The following UBR1 variants were observed in gnomAD, a reference collection of about 807,000 sequenced individuals.
UBR1 encodes ubiquitin protein ligase E3 component n-recognin 1.
A neutral mutation model predicts 242.1 loss-of-function variants in UBR1; 102 were observed. The observed-to-expected ratio is 0.42, with a 90% CI of 0.36 to 0.50. The LOEUF is 0.50. UBR1 is among the 20% of genes least tolerant of loss of function. The probability of loss-of-function intolerance (pLI) is 0.01; values close to 1 mark genes in which losing one functional copy is unlikely to be tolerated. For missense variants in UBR1, 1,772 were observed against 2,101.8 expected (o/e 0.84, Z 3.07); for synonymous variants, 675 against 684.8 (o/e 0.99, Z 0.22).
chr15:42,972,815 GCA>G (rs914347708), intron 39 of UBR1, among the ~76,000 whole-genome samples: 14 of 152,230 alleles, frequency 9.2e-5, no homozygotes, highest in African/African-American at 3.4e-4. Flanking sequence ...ACATCCTTGT[GCA>G]CAGTTTTGTG....
chr15:43,022,689 T>C lies in UBR1; in HGVS notation c.2839+13A>G. 6.4e-7 allele frequency: 1 copy of C among 1,560,360 alleles called. No individual in the cohort carries two copies. Among genetic ancestry groups the C allele is most frequent in the Admixed American group, 1.7e-5 (1 of 59,854 alleles). ...CAATGACAAATGTGTTGAAGAGTGA[T>C]ACTCAAACATACTTGAAGCCTTATG... On this transcript the variant is annotated intron_variant, in intron 26 of 46. Coordinates refer to ENST00000290650, the MANE Select transcript of UBR1 (RefSeq NM_174916.3).
chr15:43,016,385 C>T (rs1029733125), intron 28 of UBR1, among the ~76,000 whole-genome samples: 3 of 152,052 alleles, frequency 2.0e-5, no homozygotes, highest in Non-Finnish European at 2.9e-5. Flanking sequence ...TCTAATAATA[C>T]AAATTTTAGA....
chr15:42,948,434 A>T (rs1239666921), intron 46 of UBR1, among the ~76,000 whole-genome samples: 1 of 152,220 alleles, frequency 6.6e-6, no homozygotes, highest in South Asian at 2.1e-4. Flanking sequence ...GACAAATAGG[A>T]TCTAATTAAA....
At chr15:43,011,471 T>TG (rs1356948935) in intron 29 of UBR1, among the ~76,000 whole-genome samples, 2 of 152,188 alleles carry the variant, frequency 1.3e-5, no homozygotes, top group African/African-American at 4.8e-5. Flanking sequence ...GGGCAAAGAA[T>TG]AATAATAGGC....
At chr15:43,059,576 A>C (rs1382357816) in intron 8 of UBR1, 126 bp downstream of exon 8, 4 of 1,151,390 alleles carry the variant, frequency 3.5e-6, no homozygotes, top group South Asian at 1.5e-5. Context: ...AAATTAATCA[A>C]AGTGTATAAA....
chr15:43,078,524 A>G (rs1020753995), intron 3 of UBR1, among the ~76,000 whole-genome samples: 5 of 152,210 alleles, frequency 3.3e-5, no homozygotes, highest in Non-Finnish European at 7.3e-5. Context: ...GTAAAAATTA[A>G]AAGGGGAGGG....
Position 43,105,994 on chromosome 15 carries a change from TCAGTACCTC to T in UBR1, c.20_28del (p.Gly7_Thr9del). ...TAACTCCGCGCTGATTTCCATCCTCTCAGTACCTCCAGCCTCCTCGTCCGCCATCTTGAG... is the reference window on the plus strand; with the variant it reads ...TAACTCCGCGCTGATTTCCATCCTCTCAGCCTCCTCGTCCGCCATCTTGAG... On this transcript the variant is annotated inframe_deletion, in exon 1 of 47. Coordinates refer to ENST00000290650, the MANE Select transcript of UBR1 (RefSeq NM_174916.3). The T allele has an allele frequency of 1.9e-6, 3 of 1,613,864 alleles. No individual in the cohort carries two copies. The highest frequency in any genetic ancestry group is 1.6e-4 in the Middle Eastern group (1 of 6,062).
intron 1 of UBR1, among the ~76,000 whole-genome samples, chr15:43,105,308 A>G (rs893946069): frequency 2.6e-5 from 4 of 152,144 alleles, no homozygotes; most frequent in African/African-American, 4.8e-5. Context: ...GTGCCTTCCC[A>G]TTCTTTCAAA....
chr15:43,016,947 A>T, intron 28 of UBR1, 148 bp downstream of exon 28: 1 of 666,300 alleles, frequency 1.5e-6, no homozygotes, highest in South Asian at 1.7e-5. Flanking sequence ...ACAATATAGA[A>T]GCATAATGAA....
At chr15:43,104,187 G>A (rs2034270199) in intron 1 of UBR1, among the ~76,000 whole-genome samples, 1 of 152,094 alleles carries the variant, frequency 6.6e-6, no homozygotes, top group Non-Finnish European at 1.5e-5. Context: ...ATTTCCTGAG[G>A]TAAAGAGTTG....
At position 43,037,673 on chromosome 15, in the gene UBR1, T is replaced by C; in HGVS notation, c.2022+100A>G. ...GAGTTTATACAAGAGAATAGTAACATACACTCAGTAAAATCTAGGAACACA... is the reference window on the plus strand; with the variant it reads ...GAGTTTATACAAGAGAATAGTAACACACACTCAGTAAAATCTAGGAACACA... On this transcript the variant is annotated intron_variant, in intron 17 of 46. Coordinates refer to ENST00000290650, the MANE Select transcript of UBR1 (RefSeq NM_174916.3). 3.1e-6 allele frequency: 3 copies of C among 964,492 alleles called. No homozygotes were observed. In the Admixed American group the frequency reaches 6.0e-5, roughly 19 times the overall value. 59.7% of individuals were successfully genotyped at this position (964,492 alleles called of 1,614,324 possible).
intron 1 of UBR1, among the ~76,000 whole-genome samples, chr15:43,090,633 T>C (rs1377557725): frequency 1.3e-5 from 2 of 151,532 alleles, no homozygotes; most frequent in African/African-American, 2.4e-5. Flanking sequence ...AAAAAAAAAC[T>C]TGCATATTCA....
Position 43,028,101 on chromosome 15 carries a change from C to T in UBR1, c.2380-273G>A, listed in dbSNP as rs375457725. ...TATAAGTACACACATACATCTACAGCATACACACATAGTATTACCAATACT... is the reference window on the plus strand; with the variant it reads ...TATAAGTACACACATACATCTACAGTATACACACATAGTATTACCAATACT... On this transcript the variant is annotated intron_variant, in intron 21 of 46. Coordinates refer to ENST00000290650, the MANE Select transcript of UBR1 (RefSeq NM_174916.3). Among the ~76,000 whole-genome samples the T allele has an allele frequency of 7.2e-5, 11 of 152,272 alleles. No individual in the cohort carries two copies. In the East Asian group the frequency reaches 2.1e-3, roughly 29 times the overall value.
chr15:43,036,468 TAGAA>T, intron 18 of UBR1, 56 bp downstream of exon 18: 3 of 1,342,178 alleles, frequency 2.2e-6, no homozygotes, highest in East Asian at 2.3e-5. Context: ...CTTCTCTCCT[TAGAA>T]AGAATTCAAG....
intron 33 of UBR1, 48 bp from the exon 34 acceptor site, chr15:42,990,168 T>C (rs1329397382): frequency 4.6e-6 from 6 of 1,290,920 alleles, no homozygotes; most frequent in Non-Finnish European, 5.5e-6. Context: ...ATGAGTTTAG[T>C]CTGACATACA....
At chr15:43,087,915 C>T (rs1466623333) in intron 1 of UBR1, among the ~76,000 whole-genome samples, 1 of 151,900 alleles carries the variant, frequency 6.6e-6, no homozygotes, top group East Asian at 1.9e-4. Flanking sequence ...GTATAATGTG[C>T]TACCATTTAT....
intron 27 of UBR1, among the ~76,000 whole-genome samples, chr15:43,020,674 C>T (rs1434390318): frequency 6.6e-6 from 1 of 152,196 alleles, no homozygotes; most frequent in Non-Finnish European, 1.5e-5. Flanking sequence ...CTACAAGATC[C>T]GGCCCCTGGC....
chr15:42,962,316 T>C (rs2032036465), intron 42 of UBR1, among the ~76,000 whole-genome samples: 2 of 152,054 alleles, frequency 1.3e-5, no homozygotes, highest in Admixed American at 1.3e-4. Flanking sequence ...ACCACTCCCC[T>C]AGGCTGGAGG....
At position 43,038,223 on chromosome 15, in the gene UBR1, A is replaced by C. The variant is rs1396219082; in HGVS notation, c.1859T>G (p.Val620Gly). The C allele has an allele frequency of 6.2e-7, 1 of 1,614,118 alleles. No homozygotes were observed. The highest frequency in any genetic ancestry group is 1.7e-5 in the Admixed American group (1 of 60,018). The change falls in exon 16 of 47, where the codon GTA becomes GGA. Residue 620 changes from valine to glycine, a missense_variant. Coordinates refer to ENST00000290650, the MANE Select transcript of UBR1 (RefSeq NM_174916.3). ...AACAGCACCCAGCCTGCTTAAACGT[A>C]CATGAAGACCTAAAGTTAAAAAAAC... Reference protein sequence around the residue: ...PLSRTLAGLHVRLSRLGAVSR... With the variant: ...PLSRTLAGLHGRLSRLGAVSR...
Sources: gnomAD v4.1 joint callset for allele counts (sites outside exome capture counted in the v4.1 genomes callset) on GRCh38, gnomAD v4.1.1 for gene constraint, MANE v1.5 for transcripts, NCBI Gene and HGNC (gene_info 2026-07-23, HGNC 2026-07-21) for gene names.